TTC34: variants seen among roughly 807,000 people sequenced by gnomAD.
The protein encoded by TTC34 is tetratricopeptide repeat protein 34.
In TTC34, 44 loss-of-function variants were observed where a neutral mutation model predicts 40.7. The observed-to-expected ratio is 1.08, with a 90% CI of 0.85 to 1.39. The LOEUF (loss-of-function observed/expected upper bound fraction) is 1.39, where lower values mean the gene tolerates loss of function less well. Ranked by LOEUF, TTC34 falls within the 40% of genes most tolerant of loss-of-function variation. TTC34 has a pLI of 0.00. For missense variants in TTC34, 884 were observed against 838.0 expected, an observed-to-expected ratio of 1.05 and a Z score of -0.68; for synonymous variants, 422 against 398.6, an observed-to-expected ratio of 1.06 and a Z score of -0.70.
chr1:2,642,998 A>C (rs1209926480), intron 8 of TTC34, among the ~76,000 whole-genome samples: 2 of 152,006 alleles, frequency 1.3e-5, no homozygotes, highest in South Asian at 2.1e-4. Flanking sequence ...GAGGCACCTG[A>C]CCCCGACCCG....
At chr1:2,694,535 G>C (rs1640772551) in intron 6 of TTC34, among the ~76,000 whole-genome samples, 1 of 106,018 alleles carries the variant, frequency 9.4e-6, no homozygotes, top group Non-Finnish European at 2.0e-5. Context: ...CGACATCGTG[G>C]AGTAGCACCC....
At chr1:2,691,086 G>A (rs1640596803) in intron 6 of TTC34, among the ~76,000 whole-genome samples, 2 of 79,530 alleles carry the variant, frequency 2.5e-5, no homozygotes, top group African/African-American at 8.2e-5. Context: ...TGATGCTTTG[G>A]AGCAGCACCC....
intron 6 of TTC34, among the ~76,000 whole-genome samples, chr1:2,649,292 T>G (rs1000189295): frequency 1.3e-5 from 2 of 151,178 alleles, no homozygotes; most frequent in Non-Finnish European, 3.0e-5. Flanking sequence ...CCTCCACCCT[T>G]AGGTGATCAT....
intron 6 of TTC34, among the ~76,000 whole-genome samples, chr1:2,651,306 A>C (rs1222118215): frequency 6.6e-6 from 1 of 151,092 alleles, no homozygotes; most frequent in Non-Finnish European, 1.5e-5. Flanking sequence ...CTGGAATAGA[A>C]CTCCACACCG....
chr1:2,751,851 C>A (rs1641331117), intron 6 of TTC34, among the ~76,000 whole-genome samples: 2 of 119,074 alleles, frequency 1.7e-5, no homozygotes, highest in Admixed American at 8.7e-5. Flanking sequence ...ACCCTGCACC[C>A]CCAAGTGAGC....
At chr1:2,653,383 T>A (rs1483833536) in intron 6 of TTC34, among the ~76,000 whole-genome samples, 1 of 151,564 alleles carries the variant, frequency 6.6e-6, no homozygotes, top group African/African-American at 2.4e-5. Flanking sequence ...GGCGAGCATC[T>A]GACAGCATGT....
intron 6 of TTC34, among the ~76,000 whole-genome samples, chr1:2,684,958 C>G (rs1205102226): frequency 7.0e-6 from 1 of 141,964 alleles, no homozygotes; most frequent in South Asian, 2.2e-4. Context: ...CCACCCACAC[C>G]CCCAGACGAG....
rs75722242 is a variant in TTC34 at position 2,687,407 on chromosome 1, C to A, written c.2227-41844G>T. ...GACAGCCTGGAACGGCACCCACACC[C>A]CCAGGTGAGCATCTGATGGTCTGGA... On this transcript the variant is annotated intron_variant, in intron 6 of 8. Coordinates refer to ENST00000401095, the Ensembl canonical transcript of TTC34. 4.5e-3 allele frequency among the ~76,000 whole-genome samples: 677 copies of A among 151,230 alleles called. 7 individuals are homozygous for A. The highest frequency in any genetic ancestry group is 0.015 in the African/African-American group (627 of 40,738).
chr1:2,758,200 G>T (rs1389292716), intron 6 of TTC34, among the ~76,000 whole-genome samples: 2 of 142,026 alleles, frequency 1.4e-5, no homozygotes, highest in Admixed American at 7.1e-5. Context: ...TGCACCCCCA[G>T]GTGAGCAACT....
intron 6 of TTC34, among the ~76,000 whole-genome samples, chr1:2,754,742 C>T (rs1641446911): frequency 6.8e-6 from 1 of 148,006 alleles, no homozygotes. Flanking sequence ...CCCACACCCC[C>T]AGGTGCGCAT....
In TTC34 at chr1:2,749,731, G is replaced by C. The variant is rs1161394468; in HGVS notation, c.2226+33878C>G. Among the ~76,000 whole-genome samples the C allele has an allele frequency of 4.2e-4, 37 of 88,788 alleles. 12 individuals are homozygous for C. The highest frequency in any genetic ancestry group is 2.2e-3 in the African/African-American group (37 of 16,766). 58.2% of individuals were successfully genotyped at this position (88,788 alleles called of 152,430 possible). On this transcript the variant is annotated intron_variant, in intron 6 of 8. Coordinates refer to ENST00000401095, the Ensembl canonical transcript of TTC34. The stretch of plus-strand genomic sequence containing the variant: ...TCTGGAACAGCACGCACAACCCCAG[G>C]TGAGCATCTGACAGACTGGAACAGC...
chr1:2,787,889 G>T (rs756101816), intron 3 of TTC34, among the ~76,000 whole-genome samples, 183 bp from the exon 4 acceptor site: 1 of 152,208 alleles, frequency 6.6e-6, no homozygotes, highest in African/African-American at 2.4e-5. Context: ...CGGCCCTCAC[G>T]CTCTCCCTTG....
chr1:2,682,449 A>G (rs71518234), intron 6 of TTC34, among the ~76,000 whole-genome samples: 1,198 of 6,226 alleles, frequency 0.19, no homozygotes, highest in Middle Eastern at 0.33. Flanking sequence ...GCATCTGATG[A>G]TCTGGAGCAG....
intron 6 of TTC34, among the ~76,000 whole-genome samples, chr1:2,685,157 AACCC>A (rs1640270422): frequency 7.2e-6 from 1 of 138,792 alleles, no homozygotes; most frequent in African/African-American, 2.9e-5. Context: ...CAGCACCCAC[AACCC>A]CACGTGAGCA....
chr1:2,749,341 CA>C (rs1641242251), intron 6 of TTC34, among the ~76,000 whole-genome samples: 1 of 94,986 alleles, frequency 1.1e-5, no homozygotes. Flanking sequence ...GAGCATCTGA[CA>C]GACTGGAACA....
intron 6 of TTC34, among the ~76,000 whole-genome samples, chr1:2,765,651 C>T (rs1409453602): frequency 1.2e-4 from 1 of 8,208 alleles, no homozygotes; most frequent in Non-Finnish European, 1.7e-4. Context: ...GGTGAGCATT[C>T]GACAGCCTGG....
chr1:2,691,613 G>A (rs1174192782), intron 6 of TTC34, among the ~76,000 whole-genome samples: 1,341 of 95,020 alleles, frequency 0.014, no homozygotes, highest in Middle Eastern at 0.033. Context: ...GCCTGGAACA[G>A]CACCCTGCAC....
intron 6 of TTC34, among the ~76,000 whole-genome samples, chr1:2,756,664 C>G (rs1641516356): frequency 3.1e-4 from 1 of 3,186 alleles, no homozygotes; most frequent in Admixed American, 4.3e-3. Context: ...ACAGCACCCA[C>G]ACCCCCAGGT....
At chr1:2,784,137 A>G (rs1204914459) in intron 5 of TTC34, among the ~76,000 whole-genome samples, 1 of 152,106 alleles carries the variant, frequency 6.6e-6, no homozygotes, top group African/African-American at 2.4e-5. Flanking sequence ...ATACAAGACG[A>G]GGGGGGCAGG....
Sources: allele counts gnomAD v4.1 joint callset (sites outside exome capture counted in the v4.1 genomes callset), GRCh38; gene constraint gnomAD v4.1.1; transcripts MANE v1.5; gene names NCBI Gene and HGNC (gene_info 2026-07-23, HGNC 2026-07-21).